The following COLEC10 variants were observed in gnomAD, a reference collection of about 807,000 sequenced individuals.
The protein encoded by COLEC10 is collectin subfamily member 10.
In COLEC10, 22 loss-of-function variants were observed where a neutral mutation model predicts 28.4. The ratio of observed to expected loss-of-function variants is 0.78; its 90% confidence interval spans 0.55 to 1.11. COLEC10 has a LOEUF of 1.11. Among genes scored for constraint, COLEC10 ranks in the 50% least tolerant of loss-of-function variants. The pLI is 0.00. For synonymous variants in COLEC10, 125 were observed against 116.1 expected (o/e 1.08, Z -0.49); for missense variants, 361 against 344.1 (o/e 1.05, Z -0.39).
Position 119,075,163 on chromosome 8 carries a change from T to G in COLEC10, c.148+7734T>G, listed in dbSNP as rs189661416. On this transcript the variant is annotated intron_variant, in intron 1 of 5. Transcript: ENST00000332843. ...TCTACTGGCCTTGGGTCATTGATGA[T>G]ATATAGGCCAGGCACAAATTCTCTC... Among the ~76,000 whole-genome samples the G allele has an allele frequency of 3.2e-3, 480 of 152,334 alleles. 1 individual carries two copies. The highest frequency in any genetic ancestry group is 0.011 in the African/African-American group (468 of 41,574).
intron 2 of COLEC10, 77 bp from the exon 3 acceptor site, chr8:119,091,072 C>A: frequency 8.9e-7 from 1 of 1,121,802 alleles, no homozygotes; most frequent in Admixed American, 1.8e-5. Context: ...GTATTTCTTT[C>A]AAGTGAATAT....
intron 2 of COLEC10, among the ~76,000 whole-genome samples, chr8:119,036,709 CAAATT>C (rs1814394717): frequency 6.6e-6 from 1 of 152,020 alleles, no homozygotes; most frequent in African/African-American, 2.4e-5. Flanking sequence ...AAGATACACT[CAAATT>C]AAGACCATTT....
At chr8:118,978,400 G>C in the COLEC10 span, among the ~76,000 whole-genome samples, 1 of 151,832 alleles carries the variant, frequency 6.6e-6, no homozygotes, top group Non-Finnish European at 1.5e-5. Flanking sequence ...CAATTTCCAG[G>C]ACATTTTTGA....
At chr8:118,960,785 G>GAAAAA in the COLEC10 span, among the ~76,000 whole-genome samples, 907 of 72,542 alleles carry the variant, frequency 0.013, 31 homozygotes, top group African/African-American at 0.043. Context: ...GAGACTCTGT[G>GAAAAA]AAAAAAAAAA....
rs2130308553 is a variant in COLEC10 at position 119,103,704 on chromosome 8, A to G, written c.347-96A>G. 5.4e-6 allele frequency: 4 copies of G among 742,992 alleles called. No individual in the cohort carries two copies. The East Asian group carries it at 1.0e-4, about 19-fold the overall frequency. 46.0% of individuals were successfully genotyped at this position (742,992 alleles called of 1,614,324 possible). A position where few individuals can be genotyped will look rare whatever the true frequency, so the allele number is the denominator to read the frequency against. On this transcript the variant is annotated intron_variant, in intron 4 of 5. Coordinates refer to ENST00000332843, the MANE Select transcript of COLEC10 (RefSeq NM_006438.5). ...ATTCACAGATATATAGAACCAGACT[A>G]GAAAAAGATAGTGAATATTGGAAAG...
At chr8:118,990,492 A>G (rs1385687443), upstream of COLEC10, among the ~76,000 whole-genome samples, 1 of 152,202 alleles carries the variant, frequency 6.6e-6, no homozygotes, top group African/African-American at 2.4e-5. Context: ...TCCATTCTTC[A>G]CTGTAAATGG....
intron 2 of COLEC10, among the ~76,000 whole-genome samples, chr8:119,059,347 G>A (rs967307957): frequency 2.6e-5 from 4 of 151,656 alleles, no homozygotes; most frequent in Non-Finnish European, 5.9e-5. Context: ...TCTTTTATAT[G>A]TAAGCCTTTG....
intron 2 of COLEC10, among the ~76,000 whole-genome samples, chr8:119,013,591 A>G (rs966265103): frequency 1.3e-5 from 2 of 150,908 alleles, no homozygotes; most frequent in Non-Finnish European, 2.9e-5. Flanking sequence ...GTCTTCAACC[A>G]TAACAGTGGA....
In COLEC10 at chr8:119,105,931, A is replaced by G. The variant is rs763713345; in HGVS notation, c.574A>G (p.Asn192Asp). Residue 192 changes from asparagine to aspartate, a missense_variant, in exon 6 of 6, where the codon AAC (asparagine) becomes GAC (aspartate). Physicochemically the swap from Asn to Asp is conservative, Grantham distance 23 (BLOSUM62 1). Around this residue, in one of 3 missense-constraint regions of COLEC10, gnomAD observed 335 missense variants for 308.5 expected, o/e 1.09. Coordinates refer to ENST00000332843, the MANE Select transcript of COLEC10 (RefSeq NM_006438.5). The stretch of plus-strand genomic sequence containing the variant: ...AGCCATGCCCAAGGATGAAGCTGCC[A>G]ACACACTCATCGCTGACTATGTTGC... ...MLAMPKDEAANTLIADYVAKS... is the reference protein window; with the variant it reads ...MLAMPKDEAADTLIADYVAKS... 2 of 1,613,866 alleles carry G rather than the reference A, an allele frequency of 1.2e-6. No individual in the cohort carries two copies. The highest frequency in any genetic ancestry group is 2.2e-5 in the South Asian group (2 of 91,072).
At chr8:118,980,349 T>C in the COLEC10 span, among the ~76,000 whole-genome samples, 1 of 151,674 alleles carries the variant, frequency 6.6e-6, no homozygotes, top group African/African-American at 2.4e-5. Context: ...AACACCACCA[T>C]GGCTGGCTAA....
At chr8:119,066,441 C>T (rs1174390360), upstream of COLEC10, among the ~76,000 whole-genome samples, 4 of 152,132 alleles carry the variant, frequency 2.6e-5, no homozygotes, top group Non-Finnish European at 5.9e-5. Flanking sequence ...AAGCTTTTCC[C>T]CCTTATTTTG....
upstream of COLEC10, among the ~76,000 whole-genome samples, chr8:119,062,621 A>C (rs760334580): frequency 4.6e-5 from 7 of 152,014 alleles, no homozygotes; most frequent in Non-Finnish European, 1.0e-4. Context: ...CTGGTACTAC[A>C]AGCATGTGTC....
upstream of COLEC10, among the ~76,000 whole-genome samples, chr8:118,991,867 TA>T (rs1813511118): frequency 6.6e-6 from 1 of 152,232 alleles, no homozygotes; most frequent in Non-Finnish European, 1.5e-5. Flanking sequence ...CAATCCTTAC[TA>T]AAAAACACTT....
chr8:119,051,580 A>C (rs1467656592), intron 2 of COLEC10, among the ~76,000 whole-genome samples: 1 of 152,236 alleles, frequency 6.6e-6, no homozygotes. Flanking sequence ...CTGTTCACAG[A>C]ATGCTCATTA....
the COLEC10 span, among the ~76,000 whole-genome samples, chr8:118,981,322 C>T: frequency 6.6e-6 from 1 of 152,118 alleles, no homozygotes; most frequent in Non-Finnish European, 1.5e-5. Flanking sequence ...ATATCCTTTA[C>T]ATTACTGCAA....
At chr8:119,047,657 A>T (rs1277003438) in intron 2 of COLEC10, among the ~76,000 whole-genome samples, 1 of 152,202 alleles carries the variant, frequency 6.6e-6, no homozygotes, top group Non-Finnish European at 1.5e-5. Flanking sequence ...ATGTAAATGC[A>T]GGTAATTATA....
At position 119,102,418 on chromosome 8, in the gene COLEC10, G is replaced by A. The variant is rs1815855065; in HGVS notation, c.346+17G>A. ...GCAAAGCAGGTACGATATGTTCAAT[G>A]TTCTCTTTGATTTCTAGCATGATTC... On this transcript the variant is annotated intron_variant, in intron 4 of 5. Transcript: ENST00000332843. The A allele has an allele frequency of 6.3e-7, 1 of 1,586,622 alleles. No homozygotes were observed. Among genetic ancestry groups the A allele is most frequent in the Non-Finnish European group, 8.6e-7 (1 of 1,164,588 alleles).
At chr8:119,068,626 T>C (rs967049424) in intron 1 of COLEC10, 3 of 152,182 alleles carry the variant, frequency 2.0e-5, no homozygotes, top group Non-Finnish European at 4.4e-5. Flanking sequence ...CATTTGAGAA[T>C]AGCACTATTT....
intron 1 of COLEC10, among the ~76,000 whole-genome samples, chr8:119,082,074 T>C (rs1815381377): frequency 6.6e-6 from 1 of 151,412 alleles, no homozygotes; most frequent in Non-Finnish European, 1.5e-5. Flanking sequence ...AAAGAGAGAG[T>C]GAACATATGA....
Sources: gnomAD v4.1 joint callset for allele counts (sites outside exome capture counted in the v4.1 genomes callset) on GRCh38, gnomAD v4.1.1 for gene constraint, gnomAD v4.1.1 regional missense constraint, MANE v1.5 for transcripts, NCBI Gene and HGNC (gene_info 2026-07-23, HGNC 2026-07-21) for gene names.